The following CACNA1C variants were observed in gnomAD, a reference collection of about 807,000 sequenced individuals.
The protein encoded by CACNA1C is calcium voltage-gated channel subunit alpha1 C.
In CACNA1C, 30 loss-of-function variants were observed where a neutral mutation model predicts 229.0. The ratio of observed to expected loss-of-function variants is 0.13; its 90% CI spans 0.10 to 0.18. The LOEUF is 0.18. Ranked by LOEUF, CACNA1C falls within the 10% of genes least tolerant of loss-of-function variation. CACNA1C has a pLI of 1.00. For synonymous variants in CACNA1C, 1,114 were observed against 1,132.5 expected (o/e 0.98, Z 0.33); for missense variants, 1,658 against 2,845.0 (o/e 0.58, Z 9.49).
intron 13 of CACNA1C, among the ~76,000 whole-genome samples, chr12:2,572,297 TTCCTCCTCCTCCTCC>T (rs144703116): frequency 1.2e-4 from 13 of 111,804 alleles, no homozygotes; most frequent in African/African-American, 3.8e-4. Context: ...TTGATTATTA[TTCCTCCTCCTCCTCC>T]TCCTCCTCTT....
chr12:2,570,535 T>A (rs998335190), intron 13 of CACNA1C, among the ~76,000 whole-genome samples: 2 of 152,208 alleles, frequency 1.3e-5, no homozygotes, highest in Non-Finnish European at 1.5e-5. Flanking sequence ...AGAGAGCTAA[T>A]AGTGACCTAC....
chr12:2,338,822 CT>C (rs2096778575), intron 3 of CACNA1C, among the ~76,000 whole-genome samples: 1 of 152,088 alleles, frequency 6.6e-6, no homozygotes, highest in African/African-American at 2.4e-5. Context: ...AAGGGAACTT[CT>C]TTCCTTCTTG....
intron 3 of CACNA1C, among the ~76,000 whole-genome samples, chr12:2,312,413 G>A (rs1012530694): frequency 1.3e-5 from 2 of 152,090 alleles, no homozygotes; most frequent in African/African-American, 2.4e-5. Context: ...ATGAAGCAAG[G>A]CAACACCCAC....
At chr12:2,518,798 C>T (rs1220861015) in intron 9 of CACNA1C, among the ~76,000 whole-genome samples, 1 of 152,200 alleles carries the variant, frequency 6.6e-6, no homozygotes, top group Non-Finnish European at 1.5e-5. Context: ...GTTGAGTGAT[C>T]ATGCTGCCAG....
At position 2,498,572 on chromosome 12, in the gene CACNA1C, G is replaced by A. The variant is rs138975746; in HGVS notation, c.1113+5186G>A. 5.3e-3 allele frequency among the ~76,000 whole-genome samples: 803 copies of A among 152,342 alleles called. 4 individuals are homozygous for A. Among genetic ancestry groups the A allele is most frequent in the Middle Eastern group, 0.017 (5 of 294 alleles). On this transcript the variant is annotated intron_variant, in intron 7 of 46. Transcript: ENST00000399655. The stretch of plus-strand genomic sequence containing the variant: ...CTGTTTCCTGGGACGAGGGATGTGG[G>A]AGCACAGAGAAGAATAAGGCCTGCC...
chr12:2,007,769 T>G (rs1195844042), intron 1 of CACNA1C, among the ~76,000 whole-genome samples: 1 of 152,190 alleles, frequency 6.6e-6, no homozygotes, highest in Admixed American at 6.5e-5. Flanking sequence ...CTCTGTACCT[T>G]TGCCCATCTG....
intron 3 of CACNA1C, among the ~76,000 whole-genome samples, chr12:2,412,055 C>T (rs1437214944): frequency 6.6e-6 from 1 of 152,090 alleles, no homozygotes; most frequent in Non-Finnish European, 1.5e-5. Context: ...ACCCCGGCTC[C>T]CCACGCCCAA....
In CACNA1C at chr12:2,632,742, C is replaced by G. The variant is rs1423246213; in HGVS notation, c.3829-1555C>G. Among the ~76,000 whole-genome samples the G allele has an allele frequency of 6.6e-6, 1 of 152,164 alleles. No individual in the cohort carries two copies. Among genetic ancestry groups the G allele is most frequent in the Non-Finnish European group, 1.5e-5 (1 of 68,032 alleles). On this transcript the variant is annotated intron_variant, in intron 29 of 46. Transcript: ENST00000399655. The surrounding 1 kb of genome is among the most constrained non-coding windows in gnomAD (Gnocchi z 4.1). ...CTAGCAAACCCATCCTCAGGAAACG[C>G]TTTGATCACCGCGTGCCCTCTGCGC... is the stretch of plus-strand genomic sequence containing the variant.
chr12:2,122,914 G>A (rs563754312), intron 3 of CACNA1C, among the ~76,000 whole-genome samples: 9 of 152,272 alleles, frequency 5.9e-5, no homozygotes, highest in Admixed American at 4.6e-4. Flanking sequence ...GCTCCCCTGC[G>A]GATCTGATTC....
chr12:2,373,364 A>T (rs1408508177), intron 3 of CACNA1C, among the ~76,000 whole-genome samples: 1 of 152,188 alleles, frequency 6.6e-6, no homozygotes, highest in Non-Finnish European at 1.5e-5. Flanking sequence ...GGGGAGACAG[A>T]TAATAAGTAA....
At chr12:2,178,113 C>T (rs2096723602) in intron 3 of CACNA1C, among the ~76,000 whole-genome samples, 1 of 152,164 alleles carries the variant, frequency 6.6e-6, no homozygotes. Context: ...GCAGATTCTC[C>T]AAGGAAGGGA....
intron 3 of CACNA1C, among the ~76,000 whole-genome samples, chr12:2,210,227 G>C (rs2097877810): frequency 6.6e-6 from 1 of 152,242 alleles, no homozygotes; most frequent in Non-Finnish European, 1.5e-5. Flanking sequence ...AGGCAAGTGA[G>C]AATTGGGGTA....
chr12:2,239,116 A>G (rs1385597652), intron 3 of CACNA1C, among the ~76,000 whole-genome samples: 1 of 152,186 alleles, frequency 6.6e-6, no homozygotes, highest in East Asian at 1.9e-4. Context: ...TTACTACAAT[A>G]ACCTGACTGG....
chr12:2,377,495 G>A (rs1336351717), intron 3 of CACNA1C, among the ~76,000 whole-genome samples: 3 of 152,300 alleles, frequency 2.0e-5, no homozygotes, highest in African/African-American at 7.2e-5. Flanking sequence ...CTGGGCCCCT[G>A]ACGTCGAGGG....
chr12:2,617,648 C>G (rs1029415281), intron 29 of CACNA1C, among the ~76,000 whole-genome samples: 6 of 152,210 alleles, frequency 3.9e-5, no homozygotes, highest in Non-Finnish European at 8.8e-5. Context: ...TTGGCCCTGA[C>G]ATGGGTGGCC....
At chr12:2,185,491 G>GT (rs1157022461) in intron 3 of CACNA1C, among the ~76,000 whole-genome samples, 4 of 152,200 alleles carry the variant, frequency 2.6e-5, no homozygotes, top group Admixed American at 6.5e-5. Context: ...CTTTAAAGAG[G>GT]TGATTAAGTT....
At chr12:2,186,005 C>A (rs773666736) in intron 3 of CACNA1C, among the ~76,000 whole-genome samples, 1 of 152,168 alleles carries the variant, frequency 6.6e-6, no homozygotes, top group African/African-American at 2.4e-5. Flanking sequence ...CGTTTCCTGG[C>A]CGCTCTCTGG....
intron 5 of CACNA1C, among the ~76,000 whole-genome samples, chr12:2,478,441 C>T (rs1299652556): frequency 1.3e-5 from 2 of 152,162 alleles, no homozygotes; most frequent in Admixed American, 6.5e-5. Context: ...CAAACTCATT[C>T]CCCACCCATG....
rs71057826 is a variant in CACNA1C, at chr12:2,458,981, C to CTTT, written c.757+1293_757+1295dup. ...TGATTGTCTTGGATTCTTTTTCTTT[C>CTTT]TTTTTTTTTTTTTTTTTTTTGAGAC... is the stretch of plus-strand genomic sequence containing the variant. On this transcript the variant is annotated intron_variant, in intron 5 of 46. Transcript: ENST00000399655. 2.0e-3 allele frequency among the ~76,000 whole-genome samples: 215 copies of CTTT among 105,596 alleles called. 8 individuals carry two copies. The highest frequency in any genetic ancestry group is 5.5e-3 in the African/African-American group (155 of 28,194). 69.3% of individuals were successfully genotyped at this position (105,596 alleles called of 152,430 possible).
Sources: allele counts gnomAD v4.1 joint callset (sites outside exome capture counted in the v4.1 genomes callset), GRCh38; gene constraint gnomAD v4.1.1; non-coding constraint Gnocchi (gnomAD v3.1); transcripts MANE v1.5; gene names NCBI Gene and HGNC (gene_info 2026-07-23, HGNC 2026-07-21).